Variants in MTMR6 observed in about 807,000 individuals in gnomAD.
The protein encoded by MTMR6 is myotubularin related protein 6, also known as phosphatidylinositol-3,5-bisphosphate 3-phosphatase MTMR6.
Under a neutral mutation model 80.1 loss-of-function variants are expected in MTMR6, and 47 were observed. The observed-to-expected ratio is 0.59, with a 90% CI of 0.46 to 0.75. The LOEUF (loss-of-function observed/expected upper bound fraction) is 0.75. Among genes scored for constraint, MTMR6 ranks in the 30% least tolerant of loss-of-function variants. The pLI is 0.00. For synonymous variants in MTMR6, 254 were observed against 253.0 expected (o/e 1.00, Z -0.04); for missense variants, 629 against 730.9 (o/e 0.86, Z 1.61).
rs975470737 is a variant in MTMR6 at position 25,267,379 on chromosome 13, T to C, written c.304+400A>G. 2.0e-5 allele frequency among the ~76,000 whole-genome samples: 3 copies of C among 152,198 alleles called. No homozygotes were observed. The South Asian group carries it at 6.2e-4, about 32-fold the overall frequency. ...TCTCCCACTCAAATCTATTAAATAT[T>C]TTAGTCCCACTGCCACCAAAGGACC... On this transcript the variant is annotated intron_variant, in intron 3 of 13. Coordinates refer to ENST00000381801, the MANE Select transcript of MTMR6 (RefSeq NM_004685.5).
intron 2 of MTMR6, among the ~76,000 whole-genome samples, chr13:25,272,032 T>C (rs906898278): frequency 6.6e-6 from 1 of 152,116 alleles, no homozygotes; most frequent in East Asian, 1.9e-4. Context: ...CTCACATACA[T>C]GGAAGATGTT....
At chr13:25,254,519 A>G (rs1957153271) in intron 9 of MTMR6, 85 bp from the exon 10 acceptor site, 8 of 902,240 alleles carry the variant, frequency 8.9e-6, no homozygotes, top group African/African-American at 1.7e-5. Context: ...GTTTAAAAAC[A>G]GTATTTACTG....
In MTMR6 at chr13:25,254,439, A is replaced by G. The variant is rs1413621945; in HGVS notation, c.1096-5T>C. On this transcript the variant is annotated splice_region_variant and splice_polypyrimidine_tract_variant and intron_variant, in intron 9 of 13. Coordinates refer to ENST00000381801, the MANE Select transcript of MTMR6 (RefSeq NM_004685.5). ...CCAATCCTTTTCTATTAAAACCTTA[A>G]TGAGAAAAAGTAAAATTCACTTTCT... 1 of 1,535,326 alleles carries G rather than the reference A, an allele frequency of 6.5e-7. No individual in the cohort carries two copies.
chr13:25,277,132 A>G (rs925969124), intron 1 of MTMR6, among the ~76,000 whole-genome samples: 14 of 152,164 alleles, frequency 9.2e-5, no homozygotes, highest in Non-Finnish European at 7.4e-5. Context: ...CTAATTCTGT[A>G]TTTTGGATGT....
chr13:25,266,545 C>A (rs1027781553), intron 3 of MTMR6, among the ~76,000 whole-genome samples: 1 of 152,078 alleles, frequency 6.6e-6, no homozygotes, highest in Non-Finnish European at 1.5e-5. Context: ...CATGTTAAAT[C>A]CTCTATTGCA....
intron 11 of MTMR6, among the ~76,000 whole-genome samples, chr13:25,252,402 G>A (rs1332659606): frequency 2.0e-5 from 3 of 152,218 alleles, no homozygotes; most frequent in South Asian, 2.1e-4. Flanking sequence ...TAGGGCAGGA[G>A]CACACGTAAG....
chr13:25,285,286 TA>T (rs1366337012), intron 1 of MTMR6, among the ~76,000 whole-genome samples: 3 of 151,972 alleles, frequency 2.0e-5, no homozygotes, highest in African/African-American at 4.8e-5. Flanking sequence ...CAAGGGATCC[TA>T]AATATTTTCC....
chr13:25,260,480 T>C, intron 6 of MTMR6: 1 of 546,114 alleles, frequency 1.8e-6, no homozygotes, highest in Non-Finnish European at 2.7e-6. Context: ...AATTATCTTT[T>C]GTGAAATTGC....
In MTMR6 at chr13:25,274,192, A is replaced by T; in HGVS notation, c.25-5T>A. 6.5e-7 allele frequency: 1 copy of T among 1,545,576 alleles called. No individual in the cohort carries two copies. Among genetic ancestry groups the T allele is most frequent in the Non-Finnish European group, 8.9e-7 (1 of 1,125,590 alleles). ...AAGTAATTTTACTTGTTCGACCTAA[A>T]AGAAAAAAAGATATTATTTCTCATT... is the stretch of plus-strand genomic sequence containing the variant. On this transcript the variant is annotated splice_polypyrimidine_tract_variant and splice_region_variant and intron_variant, in intron 1 of 13. Coordinates refer to ENST00000381801, the MANE Select transcript of MTMR6 (RefSeq NM_004685.5).
At chr13:25,276,976 G>C (rs1359347416) in intron 1 of MTMR6, among the ~76,000 whole-genome samples, 1 of 152,200 alleles carries the variant, frequency 6.6e-6, no homozygotes, top group African/African-American at 2.4e-5. Flanking sequence ...TAGTGGTATA[G>C]CTTAGTCATA....
chr13:25,278,335 G>A (rs1252402615), intron 1 of MTMR6, among the ~76,000 whole-genome samples: 2 of 152,178 alleles, frequency 1.3e-5, no homozygotes, highest in African/African-American at 2.4e-5. Context: ...GCTCACGCCT[G>A]TAATCTCAGC....
chr13:25,263,746 C>G (rs1957391162), intron 5 of MTMR6, among the ~76,000 whole-genome samples: 1 of 151,264 alleles, frequency 6.6e-6, no homozygotes, highest in Non-Finnish European at 1.5e-5. Context: ...ATTAGCCAGG[C>G]ATGGTGGCAC....
At chr13:25,268,839 C>T (rs1169904215) in intron 2 of MTMR6, among the ~76,000 whole-genome samples, 1 of 152,152 alleles carries the variant, frequency 6.6e-6, no homozygotes, top group Non-Finnish European at 1.5e-5. Flanking sequence ...GCCGCCCAGC[C>T]ATGGCTCTGG....
Position 25,258,700 on chromosome 13 carries a change from T to G in MTMR6, c.727-8A>C. On this transcript the variant is annotated splice_polypyrimidine_tract_variant and splice_region_variant and intron_variant, in intron 6 of 13. Transcript: ENST00000381801. The stretch of plus-strand genomic sequence containing the variant: ...GTTGGCCATTGCATTCAGCTAAAAT[T>G]AAAAGTTTTAGAAATTTAGAGACAA... 1.3e-6 allele frequency: 2 copies of G among 1,501,456 alleles called. No homozygotes were observed. The highest frequency in any genetic ancestry group is 1.8e-6 in the Non-Finnish European group (2 of 1,133,698). 93.0% of individuals were successfully genotyped at this position (1,501,456 alleles called of 1,614,324 possible).
chr13:25,274,136 T>A lies in MTMR6; in HGVS notation c.76A>T (p.Thr26Ser), dbSNP rs866371460. 4 of 1,613,326 alleles carry A rather than the reference T, an allele frequency of 2.5e-6. No individual in the cohort carries two copies. In the Middle Eastern group the frequency reaches 6.6e-4, roughly 266 times the overall value. The change falls in exon 2 of 14, where the codon ACA (threonine) becomes TCA (serine). Residue 26 changes from threonine (T) to serine (S), a missense_variant. Transcript: ENST00000381801. ...GTAGCCGTAAGATACAGTGTTCCTG[T>A]TAATGACTTGTTGCTGGTACTGAAT... ...DRFSTSNKSLTGTLYLTATHL... is the reference protein window; with the variant it reads ...DRFSTSNKSLSGTLYLTATHL...
chr13:25,283,453 T>C (rs888227720), intron 1 of MTMR6, among the ~76,000 whole-genome samples: 5 of 152,252 alleles, frequency 3.3e-5, no homozygotes, highest in Admixed American at 6.5e-5. Context: ...ATTTAAATAA[T>C]ATCAGTTTCT....
rs1287489128 is a variant in MTMR6, at chr13:25,247,711, G to A, written c.*1521C>T. On this transcript the variant is annotated 3_prime_UTR_variant, in exon 14 of 14. Coordinates refer to ENST00000381801, the MANE Select transcript of MTMR6 (RefSeq NM_004685.5). ...AGGAATATTTTTTAAATTACATAAT[G>A]TATTACAGAAAAGCATTGGAAAAAT... 2.0e-5 allele frequency: 3 copies of A among 152,200 alleles called. No individual in the cohort carries two copies. In the East Asian group the frequency reaches 5.8e-4, roughly 29 times the overall value. The allele number at this position is 152,200 out of a possible 1,614,324, so 9.4% of individuals were successfully genotyped here. A position where few individuals can be genotyped will look rare whatever the true frequency, so the allele number is the denominator to read the frequency against.
At chr13:25,262,326 T>C (rs1957356987) in intron 5 of MTMR6, among the ~76,000 whole-genome samples, 1 of 152,226 alleles carries the variant, frequency 6.6e-6, no homozygotes, top group Non-Finnish European at 1.5e-5. Flanking sequence ...AAGAATTATC[T>C]ATAAGTAGTG....
At chr13:25,257,342 C>A (rs1276381742) in intron 8 of MTMR6, 21 bp from the exon 9 acceptor site, 1 of 1,612,720 alleles carries the variant, frequency 6.2e-7, no homozygotes, top group Non-Finnish European at 8.5e-7. Context: ...AGATCACATA[C>A]ATTCTAGCGT....
Sources: allele counts gnomAD v4.1 joint callset (sites outside exome capture counted in the v4.1 genomes callset), GRCh38; gene constraint gnomAD v4.1.1; transcripts MANE v1.5; gene names NCBI Gene and HGNC (gene_info 2026-07-23, HGNC 2026-07-21).